The following CTNND2 variants were observed in gnomAD, a reference collection of about 807,000 sequenced individuals.
CTNND2 encodes catenin delta-2.
Under a neutral mutation model 144.4 loss-of-function variants are expected in CTNND2, and 22 were observed. The ratio of observed to expected loss-of-function variants is 0.15; its 90% CI spans 0.11 to 0.22. The LOEUF (loss-of-function observed/expected upper bound fraction) is 0.22. Among genes scored for constraint, CTNND2 ranks in the 10% least tolerant of loss-of-function variants. The pLI is 1.00. For synonymous variants in CTNND2, 751 were observed against 695.6 expected, an observed-to-expected ratio of 1.08 and a Z score of -1.25; for missense variants, 1,353 against 1,618.8, an observed-to-expected ratio of 0.84 and a Z score of 2.82.
chr5:11,117,594 A>G, intron 12 of CTNND2, 27 bp from the exon 13 acceptor site: 3 of 1,566,310 alleles, frequency 1.9e-6, no homozygotes, highest in Non-Finnish European at 2.6e-6. Context: ...CACGTCAGCG[A>G]TCTTCACGGT....
intron 11 of CTNND2, among the ~76,000 whole-genome samples, chr5:11,165,428 C>T (rs112713592): frequency 6.5e-4 from 99 of 152,158 alleles, no homozygotes; most frequent in Non-Finnish European, 1.0e-3. Flanking sequence ...ACAAATTACC[C>T]TGTTTGTTTA....
chr5:11,701,409 T>C (rs1362248424), intron 2 of CTNND2, among the ~76,000 whole-genome samples: 1 of 152,174 alleles, frequency 6.6e-6, no homozygotes. Context: ...GACAACCTAA[T>C]AACAATATCA....
chr5:11,370,680 T>C (rs2149781254), intron 7 of CTNND2, among the ~76,000 whole-genome samples: 1 of 152,350 alleles, frequency 6.6e-6, no homozygotes, highest in South Asian at 2.1e-4. Context: ...AATATATTTT[T>C]CCATGTTTTC....
At position 11,444,947 on chromosome 5, in the gene CTNND2, G is replaced by A. The variant is rs1201812502; in HGVS notation, c.288-32878C>T. Among the ~76,000 whole-genome samples, 5 of 152,174 alleles carry A rather than the reference G, an allele frequency of 3.3e-5. No individual in the cohort carries two copies. The East Asian group carries it at 5.8e-4, about 18-fold the overall frequency. On this transcript the variant is annotated intron_variant, in intron 3 of 21. Coordinates refer to ENST00000304623, the MANE Select transcript of CTNND2 (RefSeq NM_001332.4). ...GCTGAGGGCAGAGGTGGCCCATTCAGGCCCGAGTGAGTGTGAGGGGCTTGC... is the reference window on the plus strand; with the variant it reads ...GCTGAGGGCAGAGGTGGCCCATTCAAGCCCGAGTGAGTGTGAGGGGCTTGC...
intron 2 of CTNND2, among the ~76,000 whole-genome samples, chr5:11,598,269 T>C (rs1407930449): frequency 1.3e-5 from 2 of 152,136 alleles, no homozygotes; most frequent in Non-Finnish European, 2.9e-5. Flanking sequence ...ATCATGTTCT[T>C]ATTGGGTTTG....
Position 11,385,179 on chromosome 5 carries a change from C to T in CTNND2, c.663G>A (p.Pro221=), listed in dbSNP as rs1758953318. 1.6e-5 allele frequency: 17 copies of T among 1,041,818 alleles called. No homozygotes were observed. The highest frequency in any genetic ancestry group is 1.5e-4 in the East Asian group (2 of 13,370). 64.5% of individuals were successfully genotyped at this position (1,041,818 alleles called of 1,614,324 possible). A position where few individuals can be genotyped will look rare whatever the true frequency, so the allele number is the denominator to read the frequency against. Residue 221 remains proline, a synonymous_variant, in exon 7 of 22, where the codon CCG becomes CCA. Transcript: ENST00000304623. ...GHLAGPEPAP[P]PPPPPREPFA... ...ACGGCTCCCGCGGCGGCGGCGGCGGCGGCGGCGCGGGCTCGGGCCCCGCCA... is the reference window on the plus strand; with the variant it reads ...ACGGCTCCCGCGGCGGCGGCGGCGGTGGCGGCGCGGGCTCGGGCCCCGCCA...
chr5:11,201,472 G>A (rs1003390769), intron 10 of CTNND2, among the ~76,000 whole-genome samples: 11 of 152,168 alleles, frequency 7.2e-5, no homozygotes, highest in South Asian at 2.1e-4. Context: ...CTTCCAATCC[G>A]GCTTACAAAC....
chr5:11,371,294 A>T (rs1195571575), intron 7 of CTNND2, among the ~76,000 whole-genome samples: 2 of 152,262 alleles, frequency 1.3e-5, no homozygotes, highest in African/African-American at 4.8e-5. Flanking sequence ...GGAAAAGGTG[A>T]TATCAGCATA....
At chr5:11,433,938 A>G (rs141307836) in intron 3 of CTNND2, among the ~76,000 whole-genome samples, 36 of 152,320 alleles carry the variant, frequency 2.4e-4, no homozygotes, top group African/African-American at 7.0e-4. Flanking sequence ...CTAAACATAT[A>G]CATACCCAAT....
At chr5:11,378,614 G>C (rs572908482) in intron 7 of CTNND2, among the ~76,000 whole-genome samples, 5 of 152,318 alleles carry the variant, frequency 3.3e-5, no homozygotes, top group South Asian at 2.1e-4. Flanking sequence ...GGGAAGATTA[G>C]CTTTCCAAAA....
intron 11 of CTNND2, among the ~76,000 whole-genome samples, chr5:11,183,009 C>CTTTTGGG (rs1160700227): frequency 1.3e-5 from 2 of 152,192 alleles, no homozygotes. Flanking sequence ...TCTAATCAGA[C>CTTTTGGG]ATAGTGTTTG....
At chr5:11,183,415 T>G (rs148982406) in intron 11 of CTNND2, among the ~76,000 whole-genome samples, 387 of 152,304 alleles carry the variant, frequency 2.5e-3, no homozygotes, top group Non-Finnish European at 4.3e-3. Context: ...TGGCTGTGCA[T>G]AAGTGATTAC....
chr5:11,461,501 T>C (rs1766218217), intron 3 of CTNND2, among the ~76,000 whole-genome samples: 1 of 151,670 alleles, frequency 6.6e-6, no homozygotes, highest in Non-Finnish European at 1.5e-5. Flanking sequence ...ACTAGTAGAG[T>C]TTCATGAACT....
intron 2 of CTNND2, among the ~76,000 whole-genome samples, chr5:11,608,623 A>G (rs1390150142): frequency 1.3e-5 from 2 of 152,220 alleles, no homozygotes; most frequent in African/African-American, 2.4e-5. Context: ...TCCACTTCAC[A>G]TAATCTCTAC....
At chr5:11,685,050 C>G (rs775119608) in intron 2 of CTNND2, among the ~76,000 whole-genome samples, 31 of 152,204 alleles carry the variant, frequency 2.0e-4, no homozygotes, top group Non-Finnish European at 4.1e-4. Flanking sequence ...AATAAAAGGG[C>G]TATTTTGTCA....
rs577465513 is a variant in CTNND2, at chr5:11,622,022, T to C, written c.175-56966A>G. Among the ~76,000 whole-genome samples the C allele has an allele frequency of 2.3e-3, 355 of 152,318 alleles. 1 individual carries two copies. Among genetic ancestry groups the C allele is most frequent in the African/African-American group, 7.8e-3 (324 of 41,582 alleles). Reference sequence around the variant, plus strand: ...TAAAACTAAACTCAAATTTGTCAAATGGATGCTTAAAAATCCAAAAAGATC... The same window carrying C: ...TAAAACTAAACTCAAATTTGTCAAACGGATGCTTAAAAATCCAAAAAGATC... On this transcript the variant is annotated intron_variant, in intron 2 of 21. Coordinates refer to ENST00000304623, the MANE Select transcript of CTNND2 (RefSeq NM_001332.4).
At chr5:11,659,815 A>G (rs1231530237) in intron 2 of CTNND2, among the ~76,000 whole-genome samples, 1 of 152,126 alleles carries the variant, frequency 6.6e-6, no homozygotes, top group African/African-American at 2.4e-5. Context: ...GTCTAGTTTT[A>G]TAACTATTTA....
chr5:11,466,093 T>C (rs1389847054), intron 3 of CTNND2, among the ~76,000 whole-genome samples: 1 of 152,138 alleles, frequency 6.6e-6, no homozygotes, highest in Non-Finnish European at 1.5e-5. Flanking sequence ...CACTGCAACC[T>C]TGGACTCAAG....
chr5:11,621,677 G>A (rs1235607441), intron 2 of CTNND2, among the ~76,000 whole-genome samples: 1 of 152,124 alleles, frequency 6.6e-6, no homozygotes, highest in African/African-American at 2.4e-5. Context: ...CTTCCTTCAT[G>A]CAACAAAAGA....
Sources: allele counts gnomAD v4.1 joint callset (sites outside exome capture counted in the v4.1 genomes callset), GRCh38; gene constraint gnomAD v4.1.1; transcripts MANE v1.5; gene names NCBI Gene and HGNC (gene_info 2026-07-23, HGNC 2026-07-21).